Variants in UPF3B observed in about 807,000 individuals in gnomAD.
The protein encoded by UPF3B is UPF3B regulator of nonsense mediated mRNA decay, also known as regulator of nonsense transcripts 3B.
A neutral mutation model predicts 40.3 loss-of-function variants in UPF3B; 7 were observed. The ratio of observed to expected loss-of-function variants is 0.17; its 90% confidence interval spans 0.10 to 0.33. UPF3B has a LOEUF of 0.33. UPF3B is among the 10% of genes least tolerant of loss of function. The probability of loss-of-function intolerance (pLI) is 1.00; values close to 1 mark genes in which losing one functional copy is unlikely to be tolerated. For synonymous variants in UPF3B, 117 were observed against 117.3 expected (o/e 1.00, Z 0.01); for missense variants, 229 against 358.9 (o/e 0.64, Z 2.93).
intron 8 of UPF3B, among the ~76,000 whole-genome samples, chrX:119,840,329 T>C (rs1339483199): frequency 9.0e-6 from 1 of 110,948 alleles, no homozygotes; most frequent in East Asian, 2.8e-4. Flanking sequence ...AGGGTATTTA[T>C]CCCTAGTCCT....
At chrX:119,849,934 A>C (rs1245509662) in intron 3 of UPF3B, among the ~76,000 whole-genome samples, 1 of 110,421 alleles carries the variant, frequency 9.1e-6, no homozygotes, top group African/African-American at 3.3e-5. Flanking sequence ...TCTAAGATTT[A>C]AAAACAAAAC....
intron 4 of UPF3B, among the ~76,000 whole-genome samples, chrX:119,819,676 A>G (rs973821810): frequency 3.6e-5 from 4 of 111,884 alleles, no homozygotes; most frequent in Non-Finnish European, 7.5e-5. Flanking sequence ...GGGATGGATG[A>G]AATGACTAGT....
chrX:119,847,110 CA>C (rs750378135), intron 3 of UPF3B, among the ~76,000 whole-genome samples: 1 of 112,299 alleles, frequency 8.9e-6, no homozygotes, highest in South Asian at 3.6e-4. Context: ...GGACTACTAT[CA>C]AAAAGCAGAA....
chrX:119,836,005 TGAA>T (rs1320402248), intron 10 of UPF3B, among the ~76,000 whole-genome samples: 3 of 109,402 alleles, frequency 2.7e-5, no homozygotes, highest in African/African-American at 1.0e-4. Flanking sequence ...AAAAGAGAAC[TGAA>T]GAAGACATTT....
intron 4 of UPF3B, among the ~76,000 whole-genome samples, chrX:119,843,816 T>C (rs1352245059): frequency 8.9e-6 from 1 of 112,287 alleles, no homozygotes; most frequent in Non-Finnish European, 1.9e-5. Flanking sequence ...CAGCTATGTG[T>C]TATTGAGTCC....
intron 5 of UPF3B, among the ~76,000 whole-genome samples, chrX:119,809,123 G>C (rs919198672): frequency 3.6e-5 from 4 of 111,343 alleles, no homozygotes; most frequent in African/African-American, 1.3e-4. Flanking sequence ...TATGGCAGAA[G>C]GTGAAGCAGG....
At chrX:119,827,988 G>A (rs991195641) in intron 3 of UPF3B, among the ~76,000 whole-genome samples, 13 of 110,328 alleles carry the variant, frequency 1.2e-4, no homozygotes, top group African/African-American at 4.3e-4. Context: ...CGCCTGCCTC[G>A]GCCTCCCAAA....
chrX:119,814,501 A>C (rs926588887), intron 5 of UPF3B, among the ~76,000 whole-genome samples: 2 of 112,405 alleles, frequency 1.8e-5, no homozygotes, highest in Non-Finnish European at 3.7e-5. Flanking sequence ...TGTTGCTTCT[A>C]TACTACCCAA....
At chrX:119,823,464 CTGAAGTTA>C (rs1018577432) in intron 3 of UPF3B, among the ~76,000 whole-genome samples, 4 of 110,421 alleles carry the variant, frequency 3.6e-5, no homozygotes, top group South Asian at 7.7e-4. Context: ...TCTAGAACTC[CTGAAGTTA>C]AATGATCCTC....
downstream of UPF3B, among the ~76,000 whole-genome samples, chrX:119,833,804 C>T (rs767281179): frequency 8.9e-6 from 1 of 112,253 alleles, no homozygotes; most frequent in Non-Finnish European, 1.9e-5. Context: ...CTGCATCCAG[C>T]CTATTTTATG....
At position 119,838,537 on chromosome X, in the gene UPF3B, T is replaced by C; in HGVS notation, c.847-10A>G. 1 of 1,206,315 alleles carries C rather than the reference T, an allele frequency of 8.3e-7. No homozygotes were observed. The highest frequency in any genetic ancestry group is 1.1e-6 in the Non-Finnish European group (1 of 891,732). On this transcript the variant is annotated splice_polypyrimidine_tract_variant and intron_variant, in intron 8 of 10. Transcript: ENST00000276201. The stretch of plus-strand genomic sequence containing the variant: ...CTGGCTTCTTGAGCAGCTTTAAAGA[T>C]AAAATGTTTATTTTTATTTTGAAGG...
Position 119,845,184 on chromosome X carries a change from G to C in UPF3B, c.469+14C>G, listed in dbSNP as rs1215806229. ...CCACAGCAATAGCATTATATAATTA[G>C]AGCTATACTGTACCATCATCGATAG... On this transcript the variant is annotated intron_variant, in intron 4 of 10. Coordinates refer to ENST00000276201, the MANE Select transcript of UPF3B (RefSeq NM_080632.3). 1 of 1,156,596 alleles carries C rather than the reference G, an allele frequency of 8.6e-7. No individual in the cohort carries two copies. The highest frequency in any genetic ancestry group is 1.2e-6 in the Non-Finnish European group (1 of 847,180).
chrX:119,815,588 A>G (rs2055858431), intron 4 of UPF3B, among the ~76,000 whole-genome samples: 1 of 111,664 alleles, frequency 9.0e-6, no homozygotes, highest in African/African-American at 3.3e-5. Context: ...GCAAGATTGC[A>G]GCTCACAACA....
chrX:119,849,720 T>C (rs1274094900), intron 3 of UPF3B, among the ~76,000 whole-genome samples: 1 of 110,364 alleles, frequency 9.1e-6, no homozygotes, highest in Non-Finnish European at 1.9e-5. Context: ...TAAATCATTA[T>C]TTTCAAAAAG....
intron 5 of UPF3B, among the ~76,000 whole-genome samples, chrX:119,812,156 G>T (rs2055832002): frequency 9.0e-6 from 1 of 110,957 alleles, no homozygotes; most frequent in African/African-American, 3.3e-5. Context: ...GGGAGGCAGA[G>T]GAAGGAGAAT....
At chrX:119,817,161 G>C (rs1267479418) in intron 4 of UPF3B, among the ~76,000 whole-genome samples, 4 of 110,596 alleles carry the variant, frequency 3.6e-5, no homozygotes, top group Non-Finnish European at 7.6e-5. Context: ...GTAGAGATGG[G>C]TTTCGCCATG....
intron 4 of UPF3B, among the ~76,000 whole-genome samples, chrX:119,819,122 C>T (rs1603366291): frequency 9.6e-6 from 1 of 104,338 alleles, no homozygotes; most frequent in Non-Finnish European, 2.0e-5. Flanking sequence ...GGTGCAATCT[C>T]GGCTCACTGC....
intron 3 of UPF3B, among the ~76,000 whole-genome samples, chrX:119,823,642 C>T (rs1472422786): frequency 2.0e-5 from 2 of 99,766 alleles, no homozygotes; most frequent in Non-Finnish European, 4.0e-5. Flanking sequence ...CGGCTCACTG[C>T]AACTTCTGCC....
intron 4 of UPF3B, among the ~76,000 whole-genome samples, chrX:119,844,255 T>C (rs961606001): frequency 2.2e-4 from 24 of 111,217 alleles, no homozygotes; most frequent in Admixed American, 1.5e-3. Context: ...GTCACCATGT[T>C]GGCCAGGCTG....
Sources: gnomAD v4.1 joint callset for allele counts (sites outside exome capture counted in the v4.1 genomes callset) on GRCh38, gnomAD v4.1.1 for gene constraint, MANE v1.5 for transcripts, NCBI Gene and HGNC (gene_info 2026-07-23, HGNC 2026-07-21) for gene names.